Variants in DKK3 observed in about 807,000 individuals in gnomAD.
DKK3 encodes dickkopf Wnt signaling pathway inhibitor 3.
Under a neutral mutation model 33.2 loss-of-function variants are expected in DKK3, and 22 were observed. The observed-to-expected ratio is 0.66, with a 90% confidence interval of 0.47 to 0.95. The LOEUF (loss-of-function observed/expected upper bound fraction) is 0.95, where lower values mean the gene tolerates loss of function less well. DKK3 is among the 40% of genes least tolerant of loss of function. The probability of loss-of-function intolerance (pLI) is 0.00; values close to 1 mark genes in which losing one functional copy is unlikely to be tolerated. For missense variants in DKK3, 398 were observed against 458.4 expected, an observed-to-expected ratio of 0.87 and a Z score of 1.20; for synonymous variants, 194 against 188.8, an observed-to-expected ratio of 1.03 and a Z score of -0.23.
chr11:11,988,800 T>A (rs919652185), intron 3 of DKK3, among the ~76,000 whole-genome samples: 4 of 152,214 alleles, frequency 2.6e-5, no homozygotes, highest in Non-Finnish European at 1.5e-5. Flanking sequence ...TGAGCCTGCA[T>A]ACGCCCAGGC....
intron 3 of DKK3, among the ~76,000 whole-genome samples, chr11:11,982,379 G>A (rs1232094392): frequency 2.6e-5 from 4 of 152,104 alleles, no homozygotes; most frequent in East Asian, 1.9e-4. Flanking sequence ...CAGCTTCCCC[G>A]TGGCGCTGTC....
intron 1 of DKK3, 47 bp from the exon 2 acceptor site, chr11:12,002,484 C>T (rs986548135): frequency 2.5e-6 from 4 of 1,580,038 alleles, no homozygotes; most frequent in Non-Finnish European, 3.4e-6. Context: ...TCTCTTGTTA[C>T]AAATGGGAGT....
intron 6 of DKK3, 175 bp from the exon 7 acceptor site, chr11:11,964,861 G>C (rs1160673616): frequency 1.5e-6 from 2 of 1,364,636 alleles, no homozygotes; most frequent in Non-Finnish European, 9.7e-7. Context: ...TGATGGCTGA[G>C]GGAGGCTCAC....
rs142664765 is a variant in DKK3, at chr11:11,970,262, G to A, written c.436-1775C>T. 1.8e-4 allele frequency among the ~76,000 whole-genome samples: 27 copies of A among 152,262 alleles called. No homozygotes were observed. In the East Asian group the frequency reaches 3.5e-3, roughly 20 times the overall value. On this transcript the variant is annotated intron_variant, in intron 3 of 6. Coordinates refer to ENST00000683431, the MANE Select transcript of DKK3 (RefSeq NM_001018057.2). ...GGAGGCCTCTGCCCTTAAGAAATTC[G>A]TAATTCAATTGGAAAAAGAGAGAGA...
intron 3 of DKK3, among the ~76,000 whole-genome samples, chr11:11,971,035 T>TC (rs1847714898): frequency 6.6e-6 from 1 of 152,060 alleles, no homozygotes; most frequent in East Asian, 1.9e-4. Flanking sequence ...GAAGATTTTT[T>TC]TTTTTTTTTT....
In DKK3 at chr11:11,968,503, G is replaced by A; in HGVS notation, c.436-16C>T. Reference sequence around the variant, plus strand: ...TGATGCACTCCTGGGGAAGGGCACAGGGAGCAGATGTGTCAATGGAGAGCA... The same window carrying A: ...TGATGCACTCCTGGGGAAGGGCACAAGGAGCAGATGTGTCAATGGAGAGCA... On this transcript the variant is annotated splice_polypyrimidine_tract_variant and intron_variant, in intron 3 of 6. Transcript: ENST00000683431. 2 of 1,610,218 alleles carry A rather than the reference G, an allele frequency of 1.2e-6. No homozygotes were observed. The highest frequency in any genetic ancestry group is 1.7e-6 in the Non-Finnish European group (2 of 1,177,722).
At chr11:12,005,530 C>T (rs1183519427) in intron 1 of DKK3, among the ~76,000 whole-genome samples, 1 of 152,182 alleles carries the variant, frequency 6.6e-6, no homozygotes, top group Non-Finnish European at 1.5e-5. Context: ...AATAGTAACA[C>T]AGGAAAGTAG....
At chr11:11,996,545 A>G (rs979189634) in intron 3 of DKK3, among the ~76,000 whole-genome samples, 2 of 152,156 alleles carry the variant, frequency 1.3e-5, no homozygotes, top group Admixed American at 6.5e-5. Flanking sequence ...AAAGTCTCCA[A>G]TCTGTTCTCC....
At chr11:12,003,587 T>C (rs1440832603) in intron 1 of DKK3, among the ~76,000 whole-genome samples, 3 of 152,160 alleles carry the variant, frequency 2.0e-5, no homozygotes, top group Non-Finnish European at 4.4e-5. Context: ...TGTTCACAGC[T>C]GATGGGACCC....
upstream of DKK3, chr11:12,009,362 C>T: frequency 1.0e-6 from 1 of 973,416 alleles, no homozygotes; most frequent in Non-Finnish European, 1.2e-6. Flanking sequence ...ACCAGGCTCC[C>T]TCTCCGCCCC....
intron 3 of DKK3, among the ~76,000 whole-genome samples, chr11:11,977,570 GC>G (rs1373100482): frequency 3.3e-5 from 5 of 152,180 alleles, no homozygotes; most frequent in Non-Finnish European, 5.9e-5. Flanking sequence ...CGTTGGGAGA[GC>G]CCTCTCTACC....
In DKK3 at chr11:11,964,350, A is replaced by G; in HGVS notation, c.*114T>C. The G allele has an allele frequency of 1.5e-6, 2 of 1,360,712 alleles. 1 individual carries two copies. The highest frequency in any genetic ancestry group is 2.8e-5 in the South Asian group (2 of 72,458). The allele number at this position is 1,360,712 out of a possible 1,614,324, so 84.3% of individuals were successfully genotyped here. ...CTCATGCTGTCAAGCCAGAGGGGAA[A>G]CTTACTGGGAAGAAGATGTAGGAAG... On this transcript the variant is annotated 3_prime_UTR_variant, in exon 7 of 7. Coordinates refer to ENST00000683431, the MANE Select transcript of DKK3 (RefSeq NM_001018057.2).
chr11:11,975,978 G>A (rs1847824288), intron 3 of DKK3, among the ~76,000 whole-genome samples: 1 of 152,166 alleles, frequency 6.6e-6, no homozygotes, highest in Admixed American at 6.5e-5. Context: ...ACCTCATGAA[G>A]TTACTGGACA....
intron 3 of DKK3, among the ~76,000 whole-genome samples, chr11:11,991,746 A>T (rs1030132408): frequency 6.6e-6 from 1 of 152,162 alleles, no homozygotes; most frequent in African/African-American, 2.4e-5. Flanking sequence ...CAGAACGGCA[A>T]GCCAAATAAA....
intron 3 of DKK3, chr11:11,968,697 C>A: frequency 2.0e-6 from 1 of 497,690 alleles, no homozygotes; most frequent in Non-Finnish European, 3.6e-6. Flanking sequence ...CTTGGCAGCC[C>A]AGAGCCTGGA....
intron 5 of DKK3, 117 bp downstream of exon 5, chr11:11,966,837 G>A (rs1847608098): frequency 7.1e-7 from 1 of 1,408,556 alleles, no homozygotes; most frequent in African/African-American, 1.4e-5. Context: ...GCATTTGGGA[G>A]CCTATCCAAG....
rs377759604 is a variant in DKK3, at chr11:11,968,409, G to A, written c.514C>T (p.Arg172Trp). 2.0e-5 allele frequency: 33 copies of A among 1,612,868 alleles called. 1 individual carries two copies. The highest frequency in any genetic ancestry group is 1.3e-4 in the South Asian group (12 of 90,920). ...GGCATACTCACCATCCTCTGGCCCC[G>A]GCATGGCTGGCAGGTGTACTGGAAG... ...ASFQYTCQPC[R>W]GQRMLCTRDS... Residue 172 changes from arginine to tryptophan, a missense_variant, in exon 4 of 7, where the codon CGG becomes TGG. Coordinates refer to ENST00000683431, the MANE Select transcript of DKK3 (RefSeq NM_001018057.2).
At chr11:11,972,854 C>G (rs568752670) in intron 3 of DKK3, among the ~76,000 whole-genome samples, 1 of 152,080 alleles carries the variant, frequency 6.6e-6, no homozygotes, top group Non-Finnish European at 1.5e-5. Context: ...AAATAAGAGG[C>G]CTGGGAGGGA....
intron 3 of DKK3, among the ~76,000 whole-genome samples, chr11:11,996,808 G>A (rs75691318): frequency 0.014 from 2,208 of 152,284 alleles, 44 homozygotes; most frequent in African/African-American, 0.05. Context: ...CTGCACAAGG[G>A]GGCCAAGGTG....
Sources: allele counts gnomAD v4.1 joint callset (sites outside exome capture counted in the v4.1 genomes callset), GRCh38; gene constraint gnomAD v4.1.1; transcripts MANE v1.5; gene names NCBI Gene and HGNC (gene_info 2026-07-23, HGNC 2026-07-21).